The following STAT5A variants were observed in gnomAD, a reference collection of about 807,000 sequenced individuals.
STAT5A encodes the protein signal transducer and activator of transcription 5A, also known as epididymis secretory sperm binding protein.
Under a neutral mutation model 100.2 loss-of-function variants are expected in STAT5A, and 26 were observed. That is an observed-to-expected ratio of 0.26 (90% confidence interval 0.19 to 0.36). The LOEUF (loss-of-function observed/expected upper bound fraction) is 0.36. Ranked by LOEUF, STAT5A falls within the 10% of genes least tolerant of loss-of-function variation. STAT5A has a pLI of 1.00. For synonymous variants in STAT5A, 330 were observed against 424.3 expected (o/e 0.78, Z 2.73); for missense variants, 634 against 1,027.5 (o/e 0.62, Z 5.24).
chr17:42,292,185 G>C (rs2080875605), intron 4 of STAT5A, 124 bp downstream of exon 4: 3 of 1,236,608 alleles, frequency 2.4e-6, no homozygotes, highest in Non-Finnish European at 3.4e-6. Flanking sequence ...TGAGGGACGT[G>C]GGCAAGTGTA....
intron 3 of STAT5A, among the ~76,000 whole-genome samples, chr17:42,291,412 G>A (rs902979359): frequency 1.3e-5 from 2 of 152,136 alleles, no homozygotes; most frequent in Admixed American, 1.3e-4. Context: ...CAAAAGATAC[G>A]GTAGATTGGA....
Position 42,289,514 on chromosome 17 carries a change from G to A in STAT5A, c.103G>A (p.Ala35Thr). 1 of 1,613,154 alleles carries A rather than the reference G, an allele frequency of 6.2e-7. No individual in the cohort carries two copies. The highest frequency in any genetic ancestry group is 8.5e-7 in the Non-Finnish European group (1 of 1,179,858). ...HFPIEVRHYLAQWIESQPWDA... is the reference protein window; with the variant it reads ...HFPIEVRHYLTQWIESQPWDA... ...CCCCATCGAGGTCCGGCACTACTTG[G>A]CCCAGTGGATTGAGAGCCAGCCATG... Residue 35 changes from alanine (A) to threonine (T), a missense_variant, in exon 2 of 19, where the codon GCC becomes ACC. By Grantham distance (58) the Ala-to-Thr change is moderately conservative (BLOSUM62 0). Around this residue, in one of 5 missense-constraint regions of STAT5A, gnomAD observed 207 missense variants for 256.6 expected, o/e 0.81. Coordinates refer to ENST00000590949, the MANE Select transcript of STAT5A (RefSeq NM_001288718.2).
At chr17:42,290,137 T>C (rs1255246767) in intron 3 of STAT5A, 115 bp downstream of exon 3, 18 of 1,346,844 alleles carry the variant, frequency 1.3e-5, no homozygotes, top group Admixed American at 3.2e-5. Flanking sequence ...CACGAACTTA[T>C]TGGGAACTTT....
rs1249861494 is a variant in STAT5A, at chr17:42,311,921, G to A, written c.*1252G>A. 1 of 152,800 alleles carries A rather than the reference G, an allele frequency of 6.5e-6. No homozygotes were observed. Among genetic ancestry groups the A allele is most frequent in the Non-Finnish European group, 1.5e-5 (1 of 68,056 alleles). 9.5% of individuals were successfully genotyped at this position (152,800 alleles called of 1,614,324 possible). On this transcript the variant is annotated 3_prime_UTR_variant, in exon 19 of 19. Transcript: ENST00000590949. ...ACACATTTGTGTAAACAGTGTTTTGGAATAAAATATTTTTTTCATAAATTT... is the reference window on the plus strand; with the variant it reads ...ACACATTTGTGTAAACAGTGTTTTGAAATAAAATATTTTTTTCATAAATTT...
chr17:42,311,518 T>C lies in STAT5A; in HGVS notation c.*849T>C, dbSNP rs1333042751. 1 of 152,356 alleles carries C rather than the reference T, an allele frequency of 6.6e-6. No individual in the cohort carries two copies. The highest frequency in any genetic ancestry group is 1.9e-4 in the East Asian group (1 of 5,340). 9.4% of individuals were successfully genotyped at this position (152,356 alleles called of 1,614,324 possible). ...GGTAGAAAAGATTGGGTCTAGGATA[T>C]GGTGGGTGGACAGGGGCCCCGGGAC... On this transcript the variant is annotated 3_prime_UTR_variant, in exon 19 of 19. Transcript: ENST00000590949.
chr17:42,304,651 AG>A lies in STAT5A; in HGVS notation c.1380+1del. On this transcript the variant is annotated frameshift_variant and splice_region_variant, in exon 11 of 19. Transcript: ENST00000590949. LOFTEE classifies it high-confidence loss of function. The surrounding 1 kb of genome is among the most constrained non-coding windows in gnomAD (Gnocchi z 4.8). ...AGCAATGAGCTTGTGTTCCAGGTGA[AG>A]GTGAGACCCCCAGCCCTCCTGCCCC... ...VGSNELVFQVKTLSLPVVVIV... is the reference protein window; with the variant it reads ...VGSNELVFQVXTLSLPVVVIV... 6.2e-7 allele frequency: 1 copy of A among 1,614,116 alleles called. No individual in the cohort carries two copies. Among genetic ancestry groups the A allele is most frequent in the Middle Eastern group, 1.6e-4 (1 of 6,062 alleles).
In STAT5A at chr17:42,295,703, G is replaced by A. The variant is rs750973999; in HGVS notation, c.460G>A (p.Val154Ile). 6.2e-7 allele frequency: 1 copy of A among 1,613,918 alleles called. No homozygotes were observed. Among genetic ancestry groups the A allele is most frequent in the Non-Finnish European group, 8.5e-7 (1 of 1,179,928 alleles). ...INQTFEELRL[V>I]TQDTENELKK... Reference sequence around the variant, plus strand: ...CCAGACATTTGAGGAGCTGCGACTGGTCACGCAGGACACAGAGAATGAGCT... The same window carrying A: ...CCAGACATTTGAGGAGCTGCGACTGATCACGCAGGACACAGAGAATGAGCT... Residue 154 changes from valine to isoleucine, a missense_variant, in exon 5 of 19, where the codon GTC (valine) becomes ATC (isoleucine). Val to Ile is a conservative substitution (Grantham distance 29). Transcript: ENST00000590949.
At chr17:42,303,627 T>C (rs1415257734) in intron 9 of STAT5A, among the ~76,000 whole-genome samples, 2 of 152,022 alleles carry the variant, frequency 1.3e-5, no homozygotes, top group Non-Finnish European at 2.9e-5. Flanking sequence ...GTGGAATCAC[T>C]TGAACCTGGG....
intron 3 of STAT5A, among the ~76,000 whole-genome samples, chr17:42,290,697 T>A (rs886141203): frequency 6.6e-6 from 1 of 152,186 alleles, no homozygotes; most frequent in Non-Finnish European, 1.5e-5. Context: ...TGGTGGGAAG[T>A]ACCTTGACCT....
At chr17:42,299,537 C>T (rs1044465662) in intron 5 of STAT5A, among the ~76,000 whole-genome samples, 10 of 152,302 alleles carry the variant, frequency 6.6e-5, no homozygotes, top group Middle Eastern at 3.4e-3. Context: ...CCAGAGGGGA[C>T]GGCTCAGAGT....
chr17:42,289,613 T>TGA, intron 2 of STAT5A, 74 bp downstream of exon 2: 1 of 1,551,122 alleles, frequency 6.4e-7, no homozygotes, highest in Non-Finnish European at 8.7e-7. Flanking sequence ...GTTTTACTCA[T>TGA]GGTGGTTTGG....
rs1017085765 is a variant in STAT5A, at chr17:42,308,544, C to CA, written c.2062+214dup. 2 of 648,020 alleles carry CA rather than the reference C, an allele frequency of 3.1e-6. No individual in the cohort carries two copies. Among genetic ancestry groups the CA allele is most frequent in the Non-Finnish European group, 5.2e-6 (2 of 385,012 alleles). The allele number at this position is 648,020 out of a possible 1,614,324, so 40.1% of individuals were successfully genotyped here. A position where few individuals can be genotyped will look rare whatever the true frequency, so the allele number is the denominator to read the frequency against. On this transcript the variant is annotated intron_variant, in intron 16 of 18. Coordinates refer to ENST00000590949, the MANE Select transcript of STAT5A (RefSeq NM_001288718.2). This position sits in a 1 kb window ranked among gnomAD's most constrained non-coding sequence, Gnocchi z 4.6. Reference sequence around the variant, plus strand: ...AAACCCGTCCCAGCTCTCTTCTCTGCAAAGTGAAAGCTGCATGGATTCTCA... The same window carrying CA: ...AAACCCGTCCCAGCTCTCTTCTCTGCAAAAGTGAAAGCTGCATGGATTCTCA...
Position 42,292,107 on chromosome 17 carries a change from A to G in STAT5A, c.375+46A>G, listed in dbSNP as rs764165090. The G allele has an allele frequency of 1.2e-5, 19 of 1,600,424 alleles. No individual in the cohort carries two copies. The South Asian group carries it at 1.8e-4, about 15-fold the overall frequency. ...GGGAGGAGTGTTGAGAAGTCCCTCCATATGCCTTTCTCTCCAGAAACAACT... is the reference window on the plus strand; with the variant it reads ...GGGAGGAGTGTTGAGAAGTCCCTCCGTATGCCTTTCTCTCCAGAAACAACT... On this transcript the variant is annotated intron_variant, in intron 4 of 18. Coordinates refer to ENST00000590949, the MANE Select transcript of STAT5A (RefSeq NM_001288718.2).
intron 8 of STAT5A, 55 bp downstream of exon 8, chr17:42,300,925 G>T (rs192250084): frequency 2.7e-5 from 44 of 1,609,266 alleles, no homozygotes; most frequent in African/African-American, 6.7e-5. Flanking sequence ...CTGCCTGCGT[G>T]GGGGGAGCTG....
rs1265592958 is a variant in STAT5A at position 42,309,482 on chromosome 17, G to A, written c.2220G>A (p.Gln740=). ...CPQAPYNMYP[Q]NPDHVLDQDG... ...AGGCTCCCTATAACATGTACCCACA[G>A]AAGTAGGTGGTGTTCTCATGGGGTC... Residue 740 remains glutamine, a splice_region_variant and synonymous_variant, in exon 18 of 19, where the codon CAG becomes CAA. Coordinates refer to ENST00000590949, the MANE Select transcript of STAT5A (RefSeq NM_001288718.2). The A allele has an allele frequency of 6.2e-7, 1 of 1,613,906 alleles. No individual in the cohort carries two copies. Among genetic ancestry groups the A allele is most frequent in the Admixed American group, 1.7e-5 (1 of 60,026 alleles).
chr17:42,307,376 T>G, intron 13 of STAT5A, 26 bp from the exon 14 acceptor site: 1 of 1,610,040 alleles, frequency 6.2e-7, no homozygotes, highest in Non-Finnish European at 8.5e-7. Flanking sequence ...GCACCAGCCC[T>G]GACTCGGGGG....
chr17:42,298,505 T>C (rs1340425442), intron 5 of STAT5A, among the ~76,000 whole-genome samples: 1 of 142,752 alleles, frequency 7.0e-6, no homozygotes, highest in Non-Finnish European at 1.5e-5. Context: ...AGAGTCTAGC[T>C]CTGTCGCCCA....
At position 42,311,071 on chromosome 17, in the gene STAT5A, A is replaced by G; in HGVS notation, c.*402A>G. ...TAAGCTGAAGTTTCACTCCGGAGTG[A>G]GAAGCTTTGCCCTCCTAAGAGAGAG... On this transcript the variant is annotated 3_prime_UTR_variant, in exon 19 of 19. Transcript: ENST00000590949. 1 of 233,316 alleles carries G rather than the reference A, an allele frequency of 4.3e-6. No homozygotes were observed. The highest frequency in any genetic ancestry group is 6.7e-5 in the South Asian group (1 of 14,904). 14.5% of individuals were successfully genotyped at this position (233,316 alleles called of 1,614,324 possible).
chr17:42,302,994 T>C (rs1257173205), intron 9 of STAT5A, among the ~76,000 whole-genome samples: 1 of 148,734 alleles, frequency 6.7e-6, no homozygotes, highest in Non-Finnish European at 1.5e-5. Flanking sequence ...ACGCCTGTAA[T>C]TCCAGCACTT....
Sources: allele counts gnomAD v4.1 joint callset (sites outside exome capture counted in the v4.1 genomes callset), GRCh38; gene constraint gnomAD v4.1.1; regional missense constraint gnomAD v4.1.1; non-coding constraint Gnocchi (gnomAD v3.1); transcripts MANE v1.5; gene names NCBI Gene and HGNC (gene_info 2026-07-23, HGNC 2026-07-21).